The following SRBD1 variants were observed in gnomAD, a reference collection of about 807,000 sequenced individuals.
The protein encoded by SRBD1 is S1 RNA binding domain 1.
In SRBD1, 88 loss-of-function variants were observed where a neutral mutation model predicts 115.3. That is an observed-to-expected ratio of 0.76 (90% CI 0.64 to 0.91). SRBD1 has a LOEUF of 0.91. Ranked by LOEUF, SRBD1 falls within the 40% of genes least tolerant of loss-of-function variation. The pLI is 0.00. For missense variants in SRBD1, 1,385 were observed against 1,177.4 expected (o/e 1.18, Z -2.58); for synonymous variants, 509 against 407.7 (o/e 1.25, Z -2.99).
At chr2:45,607,876 C>T (rs1674321951) in intron 1 of SRBD1, among the ~76,000 whole-genome samples, 1 of 152,172 alleles carries the variant, frequency 6.6e-6, no homozygotes, top group Non-Finnish European at 1.5e-5. Flanking sequence ...TAGTCTTCCG[C>T]CACTAAATTC....
intron 4 of SRBD1, among the ~76,000 whole-genome samples, chr2:45,586,772 C>A (rs1158673538): frequency 6.6e-6 from 1 of 150,746 alleles, no homozygotes; most frequent in African/African-American, 2.4e-5. Flanking sequence ...GTCTCAAATA[C>A]CTGGGCCCAA....
At chr2:45,481,521 A>G (rs571180910) in intron 15 of SRBD1, among the ~76,000 whole-genome samples, 5 of 152,314 alleles carry the variant, frequency 3.3e-5, no homozygotes, top group African/African-American at 1.2e-4. Context: ...AAAGAGGCAG[A>G]GAATAAATGA....
intron 15 of SRBD1, among the ~76,000 whole-genome samples, chr2:45,482,882 T>C (rs940148484): frequency 7.9e-5 from 12 of 152,112 alleles, no homozygotes; most frequent in African/African-American, 2.9e-4. Context: ...AAATCACCTA[T>C]AGGTTACATT....
At chr2:45,495,824 G>A (rs1052117306) in intron 14 of SRBD1, among the ~76,000 whole-genome samples, 1 of 152,058 alleles carries the variant, frequency 6.6e-6, no homozygotes, top group East Asian at 1.9e-4. Flanking sequence ...AACCTAAGGG[G>A]GCAGGGAATA....
At chr2:45,580,609 T>C (rs1673325993) in intron 6 of SRBD1, among the ~76,000 whole-genome samples, 1 of 142,314 alleles carries the variant, frequency 7.0e-6, no homozygotes, top group East Asian at 2.1e-4. Flanking sequence ...TCTGCCCGCC[T>C]CGGCCTCCCA....
chr2:45,501,294 T>G (rs981543515), intron 14 of SRBD1, among the ~76,000 whole-genome samples: 2 of 152,218 alleles, frequency 1.3e-5, no homozygotes, highest in African/African-American at 4.8e-5. Flanking sequence ...AAAATATTTT[T>G]TAGACAAGAT....
At chr2:45,433,776 G>C (rs1668408853) in intron 16 of SRBD1, among the ~76,000 whole-genome samples, 1 of 152,160 alleles carries the variant, frequency 6.6e-6, no homozygotes, top group Admixed American at 6.5e-5. Flanking sequence ...TCACAGACAA[G>C]TACATAGAAC....
At chr2:45,605,192 T>C (rs867115982) in intron 2 of SRBD1, among the ~76,000 whole-genome samples, 170 bp downstream of exon 2, 3 of 152,228 alleles carry the variant, frequency 2.0e-5, no homozygotes, top group Non-Finnish European at 4.4e-5. Context: ...TTAGCAACAC[T>C]AGACAGAACC....
chr2:45,470,051 G>A (rs902634134), intron 16 of SRBD1, among the ~76,000 whole-genome samples: 2 of 152,050 alleles, frequency 1.3e-5, no homozygotes, highest in Non-Finnish European at 2.9e-5. Context: ...TAGGTGACCG[G>A]GCATGGGACA....
chr2:45,562,602 C>T lies in SRBD1; in HGVS notation c.1409+51G>A, dbSNP rs375399137. 9.5e-6 allele frequency: 13 copies of T among 1,370,230 alleles called. 1 individual carries two copies. In the African/African-American group the frequency reaches 1.9e-4, roughly 20 times the overall value. 84.9% of individuals were successfully genotyped at this position (1,370,230 alleles called of 1,614,324 possible). A position where few individuals can be genotyped will look rare whatever the true frequency, so the allele number is the denominator to read the frequency against. On this transcript the variant is annotated intron_variant, in intron 10 of 20. Transcript: ENST00000263736. ...TATCAGTACATATAGATATCGGTAT[C>T]ATATTTTAGAAAAGAAACAAAGAAA...
chr2:45,550,984 G>C, intron 12 of SRBD1, 141 bp downstream of exon 12: 1 of 871,436 alleles, frequency 1.1e-6, no homozygotes, highest in South Asian at 2.1e-5. Flanking sequence ...TGATTATCTG[G>C]TTCCCAACAC....
intron 15 of SRBD1, among the ~76,000 whole-genome samples, chr2:45,481,585 A>G (rs2103833394): frequency 6.6e-6 from 1 of 152,294 alleles, no homozygotes; most frequent in African/African-American, 2.4e-5. Flanking sequence ...TGTTAAACAT[A>G]GTTACATGTG....
At chr2:45,571,250 T>C (rs1672998304) in intron 9 of SRBD1, among the ~76,000 whole-genome samples, 1 of 152,196 alleles carries the variant, frequency 6.6e-6, no homozygotes, top group African/African-American at 2.4e-5. Context: ...TTTTTTCTTT[T>C]AGGGGATTTT....
chr2:45,583,458 C>T (rs1673426427), intron 5 of SRBD1, among the ~76,000 whole-genome samples: 1 of 152,160 alleles, frequency 6.6e-6, no homozygotes, highest in African/African-American at 2.4e-5. Flanking sequence ...ACTTTTCTTA[C>T]TATCCAGAAT....
At chr2:45,540,733 A>G (rs912229244) in intron 14 of SRBD1, among the ~76,000 whole-genome samples, 2 of 152,214 alleles carry the variant, frequency 1.3e-5, no homozygotes, top group African/African-American at 4.8e-5. Flanking sequence ...CTCACTAAAG[A>G]AGATACATGG....
chr2:45,482,392 C>T (rs1378300737), intron 15 of SRBD1, among the ~76,000 whole-genome samples: 1 of 151,938 alleles, frequency 6.6e-6, no homozygotes, highest in Non-Finnish European at 1.5e-5. Context: ...TGGGTAGTTT[C>T]AAGACACACA....
chr2:45,587,514 C>T (rs1673585002), intron 4 of SRBD1, among the ~76,000 whole-genome samples: 2 of 151,940 alleles, frequency 1.3e-5, no homozygotes, highest in South Asian at 4.1e-4. Flanking sequence ...ACCCTGAATG[C>T]CCAAGATCTG....
chr2:45,434,204 T>C (rs1421894804), intron 16 of SRBD1, among the ~76,000 whole-genome samples: 1 of 152,224 alleles, frequency 6.6e-6, no homozygotes, highest in Admixed American at 6.5e-5. Context: ...GTCTTATTTG[T>C]TCTGCACAAG....
intron 16 of SRBD1, among the ~76,000 whole-genome samples, chr2:45,476,733 T>C (rs374702745): frequency 6.6e-6 from 1 of 152,216 alleles, no homozygotes; most frequent in African/African-American, 2.4e-5. Context: ...AAATTAGTTA[T>C]TAGTTTCATC....
Sources: allele counts gnomAD v4.1 joint callset (sites outside exome capture counted in the v4.1 genomes callset), GRCh38; gene constraint gnomAD v4.1.1; transcripts MANE v1.5; gene names NCBI Gene and HGNC (gene_info 2026-07-23, HGNC 2026-07-21).